CFAP61: variants seen among roughly 807,000 people sequenced by gnomAD.
CFAP61 encodes cilia- and flagella-associated protein 61.
Under a neutral mutation model 135.6 loss-of-function variants are expected in CFAP61, and 107 were observed. The observed-to-expected ratio is 0.79, with a 90% CI of 0.67 to 0.93. The LOEUF (loss-of-function observed/expected upper bound fraction) is 0.93. Ranked by LOEUF, CFAP61 falls within the 40% of genes least tolerant of loss-of-function variation. The pLI, the probability that CFAP61 is intolerant of heterozygous loss-of-function variation, is 0.00. For missense variants in CFAP61, 1,507 were observed against 1,556.2 expected (o/e 0.97, Z 0.53); for synonymous variants, 575 against 578.5 (o/e 0.99, Z 0.09).
intron 17 of CFAP61, chr20:20,221,619 C>T (rs2048409149): frequency 6.6e-6 from 1 of 152,082 alleles, no homozygotes; most frequent in South Asian, 2.1e-4. Context: ...AATTTACGTG[C>T]CCTTCAATTG....
At chr20:20,187,528 G>C (rs950222373) in intron 13 of CFAP61, among the ~76,000 whole-genome samples, 2 of 152,314 alleles carry the variant, frequency 1.3e-5, no homozygotes, top group East Asian at 3.9e-4. Flanking sequence ...GCTCTAAAAA[G>C]CACACAGCAC....
chr20:20,165,338 C>T (rs1314743411), intron 11 of CFAP61, among the ~76,000 whole-genome samples: 1 of 152,218 alleles, frequency 6.6e-6, no homozygotes, highest in Non-Finnish European at 1.5e-5. Context: ...TGGGCTCCAT[C>T]CCTTAGCTCA....
At chr20:20,054,342 C>T (rs1440642370) in intron 1 of CFAP61, among the ~76,000 whole-genome samples, 2 of 151,358 alleles carry the variant, frequency 1.3e-5, no homozygotes, top group South Asian at 2.1e-4. Context: ...AACTATGGGC[C>T]GTAGACTAAA....
intron 8 of CFAP61, among the ~76,000 whole-genome samples, chr20:20,139,249 T>A (rs1020975583): frequency 1.3e-5 from 2 of 152,208 alleles, no homozygotes; most frequent in African/African-American, 4.8e-5. Flanking sequence ...AGAGCCCTTT[T>A]TAAGGAGAGT....
chr20:20,164,877 G>A (rs966960368), intron 11 of CFAP61, among the ~76,000 whole-genome samples: 2 of 152,226 alleles, frequency 1.3e-5, no homozygotes, highest in African/African-American at 4.8e-5. Context: ...TGAAAGCCAT[G>A]TCTTACATGG....
intron 25 of CFAP61, among the ~76,000 whole-genome samples, chr20:20,319,459 G>A (rs1171122835): frequency 6.6e-6 from 1 of 152,164 alleles, no homozygotes; most frequent in Non-Finnish European, 1.5e-5. Context: ...TGTTTCATGG[G>A]GGCGGATTTT....
intron 9 of CFAP61, among the ~76,000 whole-genome samples, chr20:20,143,309 G>A (rs2051572678): frequency 6.6e-6 from 1 of 152,128 alleles, no homozygotes; most frequent in Non-Finnish European, 1.5e-5. Context: ...ACTCCAATGG[G>A]ACAGCATTTT....
Position 20,075,466 on chromosome 20 carries a change from GTTTC to G in CFAP61, c.440-19_440-16del, listed in dbSNP as rs1568841518. 9.3e-6 allele frequency: 15 copies of G among 1,612,148 alleles called. No homozygotes were observed. Among genetic ancestry groups the G allele is most frequent in the Non-Finnish European group, 1.3e-5 (15 of 1,178,374 alleles). ...TTTATTTCTTGATAAATAAGGACAT[GTTTC>G]TTTATCTCTGTGATTTAGGCTCAAC... On this transcript the variant is annotated intron_variant, in intron 5 of 26. Transcript: ENST00000245957.
At chr20:20,052,735 A>G (rs1436234274) in intron 1 of CFAP61, 144 bp downstream of exon 1, 4 of 1,590,952 alleles carry the variant, frequency 2.5e-6, no homozygotes, top group Admixed American at 1.7e-5. Context: ...GCAAGGGAGT[A>G]AGAACGGAGC....
chr20:20,176,156 G>A (rs1211486966), intron 13 of CFAP61, among the ~76,000 whole-genome samples: 3 of 151,882 alleles, frequency 2.0e-5, no homozygotes, highest in Non-Finnish European at 4.4e-5. Context: ...CAAAGAAATA[G>A]CATCTCATGC....
chr20:20,067,015 A>G lies in CFAP61; in HGVS notation c.144-3839A>G, dbSNP rs530478595. 3.7e-4 allele frequency among the ~76,000 whole-genome samples: 56 copies of G among 152,272 alleles called. No homozygotes were observed. The South Asian group carries it at 7.5e-3, about 20-fold the overall frequency. ...TTTATTTTCTAAAATTAGTTAAATG[A>G]TACCCACAAAATCATTTCACTGCAT... On this transcript the variant is annotated intron_variant, in intron 2 of 26. Transcript: ENST00000245957.
intron 25 of CFAP61, among the ~76,000 whole-genome samples, chr20:20,336,037 A>G (rs1299411578): frequency 6.6e-6 from 1 of 152,186 alleles, no homozygotes. Context: ...TAGAATTAGG[A>G]TGAAATGAGA....
At chr20:20,287,851 G>C (rs2054708079) in intron 22 of CFAP61, among the ~76,000 whole-genome samples, 1 of 152,218 alleles carries the variant, frequency 6.6e-6, no homozygotes, top group African/African-American at 2.4e-5. Flanking sequence ...ACATCAGTGT[G>C]GAAGACGATG....
chr20:20,357,634 TGAGGGGA>T, intron 26 of CFAP61, among the ~76,000 whole-genome samples: 1 of 6,388 alleles, frequency 1.6e-4, no homozygotes, highest in African/African-American at 1.0e-3. Context: ...GTGGTCACAC[TGAGGGGA>T]AGTGGTCACA....
intron 25 of CFAP61, among the ~76,000 whole-genome samples, chr20:20,340,950 C>T (rs2058421587): frequency 6.6e-6 from 1 of 152,088 alleles, no homozygotes; most frequent in Non-Finnish European, 1.5e-5. Flanking sequence ...CCCCCGTGGC[C>T]CCTGGGACAC....
At chr20:20,159,937 G>A (rs1343949757) in intron 10 of CFAP61, among the ~76,000 whole-genome samples, 1 of 152,210 alleles carries the variant, frequency 6.6e-6, no homozygotes, top group African/African-American at 2.4e-5. Context: ...CAGTGCAGTG[G>A]CTATCCCTGG....
intron 1 of CFAP61, chr20:20,052,870 C>G: frequency 1.4e-6 from 1 of 733,086 alleles, no homozygotes; most frequent in Non-Finnish European, 2.2e-6. Flanking sequence ...TTCTAGTAGT[C>G]TCTGGGTCCA....
At chr20:20,096,701 T>A (rs1451363718) in intron 7 of CFAP61, among the ~76,000 whole-genome samples, 1 of 152,226 alleles carries the variant, frequency 6.6e-6, no homozygotes, top group African/African-American at 2.4e-5. Flanking sequence ...ATATGGTAGA[T>A]GGATTGGTTA....
chr20:20,352,010 C>T (rs1486136903), intron 26 of CFAP61, among the ~76,000 whole-genome samples: 2 of 151,922 alleles, frequency 1.3e-5, no homozygotes, highest in Admixed American at 1.3e-4. Context: ...CCATAGTAAT[C>T]AAAACAGCAT....
Sources: gnomAD v4.1 joint callset for allele counts (sites outside exome capture counted in the v4.1 genomes callset) on GRCh38, gnomAD v4.1.1 for gene constraint, MANE v1.5 for transcripts, NCBI Gene and HGNC (gene_info 2026-07-23, HGNC 2026-07-21) for gene names.